Variants in CDH13 observed in about 807,000 individuals in gnomAD.
CDH13 encodes cadherin 13, also known as cadherin-13.
Under a neutral mutation model 63.8 loss-of-function variants are expected in CDH13, and 24 were observed. The observed-to-expected ratio is 0.38, with a 90% CI of 0.27 to 0.53. CDH13 has a LOEUF of 0.53. Ranked by LOEUF, CDH13 falls within the 20% of genes least tolerant of loss-of-function variation. CDH13 has a pLI of 0.85. For synonymous variants in CDH13, 503 were observed against 355.3 expected, an observed-to-expected ratio of 1.42 and a Z score of -4.67; for missense variants, 1,049 against 903.1, an observed-to-expected ratio of 1.16 and a Z score of -2.07.
At chr16:83,140,945 C>G (rs923903897) in intron 4 of CDH13, among the ~76,000 whole-genome samples, 2 of 152,204 alleles carry the variant, frequency 1.3e-5, no homozygotes, top group South Asian at 2.1e-4. Context: ...GACCAGTTAT[C>G]TTGGTCTATT....
At chr16:82,991,122 A>G (rs1329344699) in intron 2 of CDH13, among the ~76,000 whole-genome samples, 1 of 152,216 alleles carries the variant, frequency 6.6e-6, no homozygotes, top group Non-Finnish European at 1.5e-5. Context: ...ACCATCTTGC[A>G]CAATGGCCTT....
In CDH13 at chr16:83,055,126, T is replaced by C. The variant is rs1051003070; in HGVS notation, c.366+22908T>C. On this transcript the variant is annotated intron_variant, in intron 3 of 13. Coordinates refer to ENST00000567109, the MANE Select transcript of CDH13 (RefSeq NM_001257.5). ...AGAAATAATAGTAAGAAGTAGAAAA[T>C]AGTTTGAATGGAATATAATGGAAAT... 5.3e-5 allele frequency among the ~76,000 whole-genome samples: 8 copies of C among 152,006 alleles called. No individual in the cohort carries two copies. In the South Asian group the frequency reaches 1.2e-3, roughly 24 times the overall value.
At chr16:83,540,316 G>A (rs566861491) in intron 7 of CDH13, among the ~76,000 whole-genome samples, 6 of 152,282 alleles carry the variant, frequency 3.9e-5, no homozygotes, top group South Asian at 2.1e-4. Flanking sequence ...GACAAACTGC[G>A]TCTGCTGCCC....
In CDH13 at chr16:83,035,899, G is replaced by A. The variant is rs138861513; in HGVS notation, c.366+3681G>A. Reference sequence around the variant, plus strand: ...AGCACTCAGCTGATGCTACAGCAATGACCAACACTGATGCTTACGTAATAC... The same window carrying A: ...AGCACTCAGCTGATGCTACAGCAATAACCAACACTGATGCTTACGTAATAC... On this transcript the variant is annotated intron_variant, in intron 3 of 13. Coordinates refer to ENST00000567109, the MANE Select transcript of CDH13 (RefSeq NM_001257.5). Among the ~76,000 whole-genome samples the A allele has an allele frequency of 3.7e-4, 56 of 152,282 alleles. 1 individual carries two copies. Among genetic ancestry groups the A allele is most frequent in the Middle Eastern group, 3.4e-3 (1 of 294 alleles).
intron 2 of CDH13, among the ~76,000 whole-genome samples, chr16:82,866,477 C>G (rs941475296): frequency 4.8e-5 from 7 of 146,038 alleles, no homozygotes; most frequent in African/African-American, 1.8e-4. Context: ...CAACCTCTGC[C>G]TCCCGGGTTC....
At chr16:82,639,443 C>A in intron 1 of CDH13, 1 of 1,534,926 alleles carries the variant, frequency 6.5e-7, no homozygotes, top group Non-Finnish European at 8.7e-7. Flanking sequence ...GGGCGTGACC[C>A]ACCTGCAGCT....
At chr16:82,725,106 GCGGA>G (rs2033018436) in intron 1 of CDH13, among the ~76,000 whole-genome samples, 1 of 152,148 alleles carries the variant, frequency 6.6e-6, no homozygotes, top group Non-Finnish European at 1.5e-5. Context: ...TGATGGTTGT[GCGGA>G]TGGTGATGGT....
chr16:83,546,909 A>C (rs1383974553), intron 7 of CDH13, among the ~76,000 whole-genome samples: 1 of 152,238 alleles, frequency 6.6e-6, no homozygotes, highest in African/African-American at 2.4e-5. Context: ...CTCTGAAAAG[A>C]CTTGCAAAAT....
chr16:83,670,250 C>T (rs2150855612), intron 8 of CDH13, among the ~76,000 whole-genome samples: 1 of 152,322 alleles, frequency 6.6e-6, no homozygotes, highest in East Asian at 1.9e-4. Flanking sequence ...AGTCTTAACG[C>T]TTGACTCATC....
intron 7 of CDH13, among the ~76,000 whole-genome samples, chr16:83,495,578 T>A (rs1258158572): frequency 6.6e-6 from 1 of 152,142 alleles, no homozygotes; most frequent in Non-Finnish European, 1.5e-5. Context: ...AAAATATAGT[T>A]TTTTTCCCCC....
chr16:83,563,099 C>A (rs149179619), intron 7 of CDH13, among the ~76,000 whole-genome samples: 1 of 152,176 alleles, frequency 6.6e-6, no homozygotes, highest in Non-Finnish European at 1.5e-5. Flanking sequence ...ATGAATGATG[C>A]GTGAATTAAT....
At chr16:83,483,554 C>T (rs1254259466) in intron 6 of CDH13, among the ~76,000 whole-genome samples, 2 of 151,148 alleles carry the variant, frequency 1.3e-5, no homozygotes, top group African/African-American at 2.4e-5. Context: ...TCCATGACTT[C>T]AATTAAAGGC....
At chr16:83,524,843 G>A (rs961903890) in intron 7 of CDH13, among the ~76,000 whole-genome samples, 17 of 152,038 alleles carry the variant, frequency 1.1e-4, no homozygotes, top group Admixed American at 6.6e-4. Context: ...TCTTTAAATG[G>A]GGCCACCATC....
chr16:83,064,006 GA>G (rs535390416), intron 3 of CDH13, among the ~76,000 whole-genome samples: 379 of 152,252 alleles, frequency 2.5e-3, no homozygotes, highest in African/African-American at 8.8e-3. Flanking sequence ...GGAGATGCCA[GA>G]AAAAGTCAGA....
At chr16:83,780,339 G>C in intron 12 of CDH13, 138 bp downstream of exon 12, 2 of 610,714 alleles carry the variant, frequency 3.3e-6, no homozygotes, top group Non-Finnish European at 5.7e-6. Flanking sequence ...TATAAATACT[G>C]AGAATTTTCC....
intron 1 of CDH13, among the ~76,000 whole-genome samples, chr16:82,820,021 G>A (rs2037926505): frequency 6.6e-6 from 1 of 152,122 alleles, no homozygotes; most frequent in Non-Finnish European, 1.5e-5. Flanking sequence ...GGAGAACACA[G>A]CAGTCAGACG....
rs147170611 is a variant in CDH13 at position 83,564,664 on chromosome 16, C to A, written c.961-37790C>A. ...CCTCAGGTGATCCACCTCCCTCGGCCTCCCAAAGTGCTGAGATTATAGGCA... is the reference window on the plus strand; with the variant it reads ...CCTCAGGTGATCCACCTCCCTCGGCATCCCAAAGTGCTGAGATTATAGGCA... On this transcript the variant is annotated intron_variant, in intron 7 of 13. Transcript: ENST00000567109. 3.3e-5 allele frequency among the ~76,000 whole-genome samples: 5 copies of A among 152,270 alleles called. No homozygotes were observed. In the Middle Eastern group the frequency reaches 0.01, roughly 311 times the overall value.
chr16:82,767,484 C>T (rs763382747), intron 1 of CDH13, among the ~76,000 whole-genome samples: 9 of 152,174 alleles, frequency 5.9e-5, no homozygotes, highest in Non-Finnish European at 1.2e-4. Flanking sequence ...CTTTCTGAAT[C>T]GGGAAAAACA....
intron 1 of CDH13, among the ~76,000 whole-genome samples, chr16:82,756,146 T>C (rs895196918): frequency 6.6e-6 from 1 of 152,164 alleles, no homozygotes; most frequent in Admixed American, 6.5e-5. Flanking sequence ...AAGTAGCTTG[T>C]AAAAAGTTGC....
Sources: gnomAD v4.1 joint callset for allele counts (sites outside exome capture counted in the v4.1 genomes callset) on GRCh38, gnomAD v4.1.1 for gene constraint, MANE v1.5 for transcripts, NCBI Gene and HGNC (gene_info 2026-07-23, HGNC 2026-07-21) for gene names.